The following SPOCK1 variants were observed in gnomAD, a reference collection of about 807,000 sequenced individuals.
The protein encoded by SPOCK1 is SPARC (osteonectin), cwcv and kazal like domains proteoglycan 1.
In SPOCK1, 23 loss-of-function variants were observed where a neutral mutation model predicts 55.3. The observed-to-expected ratio is 0.42, with a 90% CI of 0.30 to 0.59. SPOCK1 has a LOEUF of 0.59. SPOCK1 is among the 20% of genes least tolerant of loss of function. The probability of loss-of-function intolerance (pLI) is 0.22; values close to 1 mark genes in which losing one functional copy is unlikely to be tolerated. For missense variants in SPOCK1, 499 were observed against 552.5 expected, an observed-to-expected ratio of 0.90 and a Z score of 0.97; for synonymous variants, 226 against 221.0, an observed-to-expected ratio of 1.02 and a Z score of -0.20.
At chr5:137,145,473 C>G (rs1754173999) in intron 3 of SPOCK1, among the ~76,000 whole-genome samples, 1 of 152,186 alleles carries the variant, frequency 6.6e-6, no homozygotes, top group Non-Finnish European at 1.5e-5. Flanking sequence ...ACACCTAGCA[C>G]AGCAGAGCTT....
chr5:137,267,003 C>A lies in SPOCK1; in HGVS notation c.232+7G>T, dbSNP rs1329896269. 1.2e-6 allele frequency: 2 copies of A among 1,610,754 alleles called. No individual in the cohort carries two copies. The highest frequency in any genetic ancestry group is 3.3e-5 in the Admixed American group (2 of 59,966). ...GACTATACAGCAAGAAATATTGCAT[C>A]CATTACCTTGGTCAAAGGGCTTGTT... On this transcript the variant is annotated splice_region_variant and intron_variant, in intron 3 of 10. Transcript: ENST00000394945.
At chr5:137,187,307 C>T (rs1755088534) in intron 3 of SPOCK1, among the ~76,000 whole-genome samples, 1 of 152,198 alleles carries the variant, frequency 6.6e-6, no homozygotes, top group South Asian at 2.1e-4. Context: ...AACAGAGCAG[C>T]AAGCTGGGGC....
intron 3 of SPOCK1, among the ~76,000 whole-genome samples, chr5:137,226,103 G>A (rs1043326349): frequency 6.6e-6 from 1 of 152,174 alleles, no homozygotes; most frequent in South Asian, 2.1e-4. Context: ...TCAGTGGGCT[G>A]CACACCATCC....
intron 2 of SPOCK1, among the ~76,000 whole-genome samples, chr5:137,474,377 G>T (rs549459345): frequency 1.3e-5 from 2 of 152,054 alleles, no homozygotes; most frequent in Non-Finnish European, 2.9e-5. Context: ...CTCACTGTGC[G>T]AAAAATAAAG....
intron 2 of SPOCK1, among the ~76,000 whole-genome samples, chr5:137,321,603 C>A (rs1186362828): frequency 6.6e-6 from 1 of 152,006 alleles, no homozygotes; most frequent in Non-Finnish European, 1.5e-5. Flanking sequence ...AGGGCCAGGG[C>A]GGTGGTTCAC....
chr5:137,404,025 G>A (rs549174808), intron 2 of SPOCK1, among the ~76,000 whole-genome samples: 2 of 152,314 alleles, frequency 1.3e-5, no homozygotes, highest in South Asian at 2.1e-4. Context: ...GCTGGTAGAT[G>A]TTTGTGTCAA....
intron 3 of SPOCK1, among the ~76,000 whole-genome samples, chr5:137,185,038 G>C (rs981819806): frequency 6.6e-5 from 10 of 152,118 alleles, no homozygotes; most frequent in African/African-American, 2.4e-4. Flanking sequence ...GTTGACCACT[G>C]TATCCAGCAC....
chr5:137,468,136 C>T (rs1363524535), intron 2 of SPOCK1, among the ~76,000 whole-genome samples: 1 of 152,228 alleles, frequency 6.6e-6, no homozygotes, highest in African/African-American at 2.4e-5. Flanking sequence ...CCAAAAGACA[C>T]TCACTTAGAA....
intron 2 of SPOCK1, among the ~76,000 whole-genome samples, chr5:137,362,334 T>G (rs1252430757): frequency 6.6e-6 from 1 of 150,908 alleles, no homozygotes; most frequent in Non-Finnish European, 1.5e-5. Context: ...AGCAACCTTT[T>G]TTTTTTTTTT....
At chr5:137,012,543 G>A (rs960177688) in intron 6 of SPOCK1, among the ~76,000 whole-genome samples, 3 of 152,152 alleles carry the variant, frequency 2.0e-5, no homozygotes, top group African/African-American at 7.2e-5. Context: ...GAGGCTTGGG[G>A]AAGTGACATA....
At chr5:137,171,910 C>T (rs1580789216) in intron 3 of SPOCK1, among the ~76,000 whole-genome samples, 2 of 152,136 alleles carry the variant, frequency 1.3e-5, no homozygotes, top group South Asian at 4.1e-4. Context: ...ACTTAAAATT[C>T]CATTGAGAGT....
chr5:137,103,330 A>G (rs532666547), intron 5 of SPOCK1, among the ~76,000 whole-genome samples: 1 of 152,198 alleles, frequency 6.6e-6, no homozygotes, highest in Non-Finnish European at 1.5e-5. Context: ...GGCTGGATAC[A>G]TTGCTGCCTG....
chr5:137,098,855 G>A (rs1380833230), intron 5 of SPOCK1, among the ~76,000 whole-genome samples: 1 of 152,138 alleles, frequency 6.6e-6, no homozygotes, highest in Non-Finnish European at 1.5e-5. Context: ...GGGTCCACAG[G>A]CTCCACGGGC....
At chr5:137,214,293 G>T (rs1446536450) in intron 3 of SPOCK1, among the ~76,000 whole-genome samples, 2 of 152,198 alleles carry the variant, frequency 1.3e-5, no homozygotes, top group African/African-American at 4.8e-5. Flanking sequence ...GAGCTGGCAA[G>T]TGGTGCAGCC....
At chr5:137,078,224 G>A (rs958585714) in intron 5 of SPOCK1, among the ~76,000 whole-genome samples, 3 of 152,126 alleles carry the variant, frequency 2.0e-5, no homozygotes, top group African/African-American at 4.8e-5. Context: ...CTCAGGCAGC[G>A]CTAGGAGAAA....
rs183036024 is a variant in SPOCK1, at chr5:137,066,894, T to C, written c.589+821A>G. On this transcript the variant is annotated intron_variant, in intron 6 of 10. Transcript: ENST00000394945. ...ACAACATAGCTTATAAAGAGCCAGATAGATAAACGCTCATACCCCATTCAT... is the reference window on the plus strand; with the variant it reads ...ACAACATAGCTTATAAAGAGCCAGACAGATAAACGCTCATACCCCATTCAT... Among the ~76,000 whole-genome samples, 251 of 151,652 alleles carry C rather than the reference T, an allele frequency of 1.7e-3. 1 individual carries two copies. Among genetic ancestry groups the C allele is most frequent in the Admixed American group, 0.015 (224 of 15,218 alleles).
chr5:137,068,593 G>A (rs1752552296), intron 5 of SPOCK1, among the ~76,000 whole-genome samples: 1 of 152,196 alleles, frequency 6.6e-6, no homozygotes, highest in Non-Finnish European at 1.5e-5. Context: ...GCAGGAGAGA[G>A]GAATGTTATT....
intron 2 of SPOCK1, among the ~76,000 whole-genome samples, chr5:137,303,238 G>A (rs1196319231): frequency 6.6e-6 from 1 of 152,074 alleles, no homozygotes; most frequent in Admixed American, 6.6e-5. Context: ...AAGTAACAAT[G>A]ATTTACAGAA....
At chr5:137,094,574 C>A (rs1753107936) in intron 5 of SPOCK1, among the ~76,000 whole-genome samples, 1 of 152,156 alleles carries the variant, frequency 6.6e-6, no homozygotes, top group Non-Finnish European at 1.5e-5. Context: ...AAATATTTTA[C>A]TACTAAAAAA....
Sources: allele counts gnomAD v4.1 joint callset (sites outside exome capture counted in the v4.1 genomes callset), GRCh38; gene constraint gnomAD v4.1.1; transcripts MANE v1.5; gene names NCBI Gene and HGNC (gene_info 2026-07-23, HGNC 2026-07-21).